The following CHST11 variants were observed in gnomAD, a reference collection of about 807,000 sequenced individuals.
The protein encoded by CHST11 is carbohydrate sulfotransferase 11, also known as C4S-1.
A neutral mutation model predicts 30.4 loss-of-function variants in CHST11; 9 were observed. The ratio of observed to expected loss-of-function variants is 0.30; its 90% CI spans 0.18 to 0.52. CHST11 has a LOEUF of 0.52. Ranked by LOEUF, CHST11 falls within the 20% of genes least tolerant of loss-of-function variation. The pLI, the probability that CHST11 is intolerant of heterozygous loss-of-function variation, is 0.97. For missense variants in CHST11, 348 were observed against 460.6 expected (o/e 0.76, Z 2.24); for synonymous variants, 152 against 187.8 (o/e 0.81, Z 1.56).
chr12:104,487,343 C>G (rs1264442153), intron 1 of CHST11, among the ~76,000 whole-genome samples: 1 of 152,150 alleles, frequency 6.6e-6, no homozygotes, highest in Admixed American at 6.6e-5. Context: ...CTCACTGCAG[C>G]CTTGACTTCT....
intron 1 of CHST11, among the ~76,000 whole-genome samples, chr12:104,475,327 G>A (rs765402618): frequency 6.6e-6 from 1 of 151,880 alleles, no homozygotes; most frequent in Non-Finnish European, 1.5e-5. Flanking sequence ...TAGCTGTAAT[G>A]CTTTATAATA....
chr12:104,540,785 C>T (rs1231812913), intron 1 of CHST11, among the ~76,000 whole-genome samples: 1 of 152,262 alleles, frequency 6.6e-6, no homozygotes, highest in East Asian at 1.9e-4. Context: ...CCAGACGGCC[C>T]AGGGTGAGCC....
intron 2 of CHST11, among the ~76,000 whole-genome samples, chr12:104,671,250 C>A (rs942546918): frequency 6.6e-6 from 1 of 152,152 alleles, no homozygotes; most frequent in Non-Finnish European, 1.5e-5. Flanking sequence ...CTTCTTGCTG[C>A]GCCCGTGATC....
At chr12:104,564,735 C>T (rs1452772665) in intron 1 of CHST11, among the ~76,000 whole-genome samples, 1 of 152,146 alleles carries the variant, frequency 6.6e-6, no homozygotes, top group East Asian at 1.9e-4. Flanking sequence ...TTTCATACTG[C>T]TATCAAGAAA....
chr12:104,489,882 G>A (rs1310066768), intron 1 of CHST11, among the ~76,000 whole-genome samples: 1 of 152,200 alleles, frequency 6.6e-6, no homozygotes, highest in African/African-American at 2.4e-5. Context: ...AGGGAGCTGA[G>A]GGCCACTGAT....
chr12:104,746,447 C>A (rs1301762338), intron 2 of CHST11, among the ~76,000 whole-genome samples: 1 of 152,172 alleles, frequency 6.6e-6, no homozygotes, highest in Admixed American at 6.5e-5. Context: ...AACTATCACC[C>A]ACCTGTGCCA....
chr12:104,738,360 A>C (rs1181375749), intron 2 of CHST11, among the ~76,000 whole-genome samples: 7 of 152,140 alleles, frequency 4.6e-5, no homozygotes, highest in Non-Finnish European at 1.0e-4. Context: ...CTTCGGCGCC[A>C]GCTCACTCCT....
intron 2 of CHST11, among the ~76,000 whole-genome samples, chr12:104,673,449 C>T (rs763281274): frequency 7.9e-5 from 12 of 152,316 alleles, no homozygotes; most frequent in Non-Finnish European, 1.5e-4. Context: ...GGACAAGTAA[C>T]TTACCCTCTT....
intron 1 of CHST11, among the ~76,000 whole-genome samples, chr12:104,549,936 T>C (rs1018952094): frequency 2.0e-5 from 3 of 152,046 alleles, no homozygotes; most frequent in African/African-American, 7.3e-5. Flanking sequence ...TTGGAAGACA[T>C]GGACCCTGTT....
chr12:104,717,481 A>G (rs538778561), intron 2 of CHST11, among the ~76,000 whole-genome samples: 1 of 152,246 alleles, frequency 6.6e-6, no homozygotes, highest in East Asian at 1.9e-4. Flanking sequence ...AAGCCTCAAT[A>G]AAGGCCAATA....
intron 1 of CHST11, among the ~76,000 whole-genome samples, chr12:104,465,743 G>T (rs1342375024): frequency 1.3e-5 from 2 of 152,214 alleles, no homozygotes; most frequent in African/African-American, 4.8e-5. Flanking sequence ...AGCCAGGTTG[G>T]ATTGTCATGT....
intron 1 of CHST11, among the ~76,000 whole-genome samples, chr12:104,483,402 T>G (rs528972423): frequency 5.9e-5 from 9 of 152,220 alleles, no homozygotes; most frequent in Admixed American, 5.9e-4. Context: ...GACAGGATTT[T>G]GCCATGTTGG....
chr12:104,677,360 A>AAAAGGGTT (rs2039752437), intron 2 of CHST11, among the ~76,000 whole-genome samples: 1 of 152,228 alleles, frequency 6.6e-6, no homozygotes, highest in Non-Finnish European at 1.5e-5. Context: ...AGTTAGGAAC[A>AAAAGGGTT]AAAGGGTTAT....
intron 1 of CHST11, among the ~76,000 whole-genome samples, chr12:104,595,574 T>C (rs1401091869): frequency 6.6e-6 from 1 of 152,190 alleles, no homozygotes; most frequent in Non-Finnish European, 1.5e-5. Flanking sequence ...CCTCTTCACC[T>C]GACGAAGGAG....
intron 1 of CHST11, among the ~76,000 whole-genome samples, chr12:104,507,169 C>T (rs1392708946): frequency 6.6e-6 from 1 of 152,118 alleles, no homozygotes. Flanking sequence ...GCTCCCTGTG[C>T]GTGTTGCAGA....
intron 2 of CHST11, among the ~76,000 whole-genome samples, chr12:104,734,271 A>C (rs1354086109): frequency 6.6e-6 from 1 of 152,268 alleles, no homozygotes; most frequent in Non-Finnish European, 1.5e-5. Context: ...TTGGAGGTAC[A>C]GAGCTGCTTG....
In CHST11 at chr12:104,729,851, T is replaced by G. The variant is rs2040243395; in HGVS notation, c.205-27098T>G. On this transcript the variant is annotated intron_variant, in intron 2 of 2. Transcript: ENST00000303694. This position sits in a 1 kb window ranked among gnomAD's most constrained non-coding sequence, Gnocchi z 4.0. ...CAGGCCATCTGGATGGGGGAGCCCC[T>G]GGTGAGCAAGGTCCACCAGGTGGGA... Among the ~76,000 whole-genome samples, 1 of 152,156 alleles carries G rather than the reference T, an allele frequency of 6.6e-6. No individual in the cohort carries two copies. Among genetic ancestry groups the G allele is most frequent in the African/African-American group, 2.4e-5 (1 of 41,420 alleles).
intron 1 of CHST11, among the ~76,000 whole-genome samples, chr12:104,556,383 A>T (rs1047768817): frequency 6.6e-6 from 1 of 152,132 alleles, no homozygotes; most frequent in Non-Finnish European, 1.5e-5. Context: ...TGGGTATATT[A>T]GGTTCCCAGG....
At chr12:104,743,499 C>G (rs574951300) in intron 2 of CHST11, among the ~76,000 whole-genome samples, 1 of 152,336 alleles carries the variant, frequency 6.6e-6, no homozygotes, top group South Asian at 2.1e-4. Flanking sequence ...CTGGGGGAGG[C>G]ACCAACCCTA....
Sources: allele counts gnomAD v4.1 joint callset (sites outside exome capture counted in the v4.1 genomes callset), GRCh38; gene constraint gnomAD v4.1.1; non-coding constraint Gnocchi (gnomAD v3.1); transcripts MANE v1.5; gene names NCBI Gene and HGNC (gene_info 2026-07-23, HGNC 2026-07-21).